Variants in WDR11 observed in about 807,000 individuals in gnomAD.
WDR11 encodes WD repeat domain 11.
A neutral mutation model predicts 151.2 loss-of-function variants in WDR11; 83 were observed. That is an observed-to-expected ratio of 0.55 (90% CI 0.46 to 0.66). WDR11 has a LOEUF of 0.66. Ranked by LOEUF, WDR11 falls within the 30% of genes least tolerant of loss-of-function variation. WDR11 has a pLI of 0.00. For missense variants in WDR11, 1,301 were observed against 1,480.9 expected, an observed-to-expected ratio of 0.88 and a Z score of 1.99; for synonymous variants, 484 against 533.1, an observed-to-expected ratio of 0.91 and a Z score of 1.27.
At position 120,873,826 on chromosome 10, in the gene WDR11, G is replaced by A. The variant is rs1846634331; in HGVS notation, c.1472-13G>A. On this transcript the variant is annotated splice_polypyrimidine_tract_variant and intron_variant, in intron 10 of 28. Transcript: ENST00000263461. ...CACTGAATTAATGCTCTTCCATGAT[G>A]TCATTTTGAAAGGTACAAGTAATGG... 2 of 1,594,796 alleles carry A rather than the reference G, an allele frequency of 1.3e-6. No homozygotes were observed. The highest frequency in any genetic ancestry group is 1.3e-5 in the African/African-American group (1 of 74,634).
intron 9 of WDR11, among the ~76,000 whole-genome samples, chr10:120,868,403 GC>G (rs1846393589): frequency 6.6e-6 from 1 of 152,082 alleles, no homozygotes; most frequent in South Asian, 2.1e-4. Flanking sequence ...GTTGCAGTGA[GC>G]CGAGATTGCA....
At chr10:120,896,484 C>T (rs973423615) in intron 19 of WDR11, among the ~76,000 whole-genome samples, 2 of 152,066 alleles carry the variant, frequency 1.3e-5, no homozygotes, top group African/African-American at 4.8e-5. Flanking sequence ...GAATGCAAGA[C>T]ACAGTTGAAC....
At position 120,860,166 on chromosome 10, in the gene WDR11, C is replaced by G; in HGVS notation, c.410C>G (p.Pro137Arg). 6.2e-7 allele frequency: 1 copy of G among 1,614,128 alleles called. No individual in the cohort carries two copies. The highest frequency in any genetic ancestry group is 8.5e-7 in the Non-Finnish European group (1 of 1,180,026). The part of the protein sequence containing the change: ...ASRDLLLAIH[P>R]PNYIVLWNAD... ...CGCGATTTACTGCTTGCTATCCACC[C>G]GCCAAATTACATTGTGCTCTGGAAT... Residue 137 changes from proline (P) to arginine (R), a missense_variant, in exon 4 of 29, where the codon CCG (proline) becomes CGG (arginine). By Grantham distance (103) the Pro-to-Arg change is moderately radical. Around this residue, in one of 3 missense-constraint regions of WDR11, gnomAD observed 692 missense variants for 762.5 expected, o/e 0.91. Coordinates refer to ENST00000263461, the MANE Select transcript of WDR11 (RefSeq NM_018117.12).
chr10:120,908,505 A>G, intron 28 of WDR11, 51 bp from the exon 29 acceptor site: 1 of 1,581,314 alleles, frequency 6.3e-7, no homozygotes, highest in South Asian at 1.1e-5. Flanking sequence ...GAGCCTGTGA[A>G]GAGTCTCATC....
At chr10:120,882,341 G>C (rs748686522) in intron 13 of WDR11, among the ~76,000 whole-genome samples, 2 of 151,748 alleles carry the variant, frequency 1.3e-5, no homozygotes, top group African/African-American at 2.4e-5. Flanking sequence ...TATTGGTGTC[G>C]TTTTTATGTA....
intron 20 of WDR11, 73 bp from the exon 21 acceptor site, chr10:120,900,963 C>CT (rs757549847): frequency 5.3e-6 from 6 of 1,142,768 alleles, no homozygotes; most frequent in Middle Eastern, 1.9e-4. Context: ...ATTAACACAA[C>CT]TTTTTTCAGG....
chr10:120,906,172 G>A, intron 27 of WDR11, 151 bp downstream of exon 27: 1 of 1,533,280 alleles, frequency 6.5e-7, no homozygotes. Flanking sequence ...AAGGAGAATG[G>A]AACTGTCCGT....
intron 11 of WDR11, among the ~76,000 whole-genome samples, chr10:120,876,442 G>A (rs933368949): frequency 6.6e-6 from 1 of 152,146 alleles, no homozygotes; most frequent in Non-Finnish European, 1.5e-5. Flanking sequence ...ATACATTTAC[G>A]TGGAATAATA....
chr10:120,861,566 C>T (rs1466051653), intron 4 of WDR11, among the ~76,000 whole-genome samples: 1 of 152,190 alleles, frequency 6.6e-6, no homozygotes, highest in African/African-American at 2.4e-5. Context: ...TTGATTGCAT[C>T]AGCTCTTTAC....
chr10:120,861,703 G>C (rs1023433569), intron 4 of WDR11, among the ~76,000 whole-genome samples: 41 of 152,144 alleles, frequency 2.7e-4, no homozygotes, highest in African/African-American at 9.4e-4. Flanking sequence ...TTTTCCCTGT[G>C]TTTAGAGCAG....
At position 120,865,615 on chromosome 10, in the gene WDR11, A is replaced by T; in HGVS notation, c.880-15A>T. ...CTATTGTGTTTTAAAAAATAAATATATCATCTATTTAAAGGTAATACCCTG... is the reference window on the plus strand; with the variant it reads ...CTATTGTGTTTTAAAAAATAAATATTTCATCTATTTAAAGGTAATACCCTG... On this transcript the variant is annotated splice_polypyrimidine_tract_variant and intron_variant, in intron 6 of 28. Transcript: ENST00000263461. The T allele has an allele frequency of 6.7e-7, 1 of 1,503,736 alleles. No individual in the cohort carries two copies. The highest frequency in any genetic ancestry group is 1.2e-5 in the South Asian group (1 of 86,872). The allele number at this position is 1,503,736 out of a possible 1,614,324, so 93.1% of individuals were successfully genotyped here. A position where few individuals can be genotyped will look rare whatever the true frequency, so the allele number is the denominator to read the frequency against.
rs1289632531 is a variant in WDR11, at chr10:120,906,259, A to T, written c.3437+238A>T. The stretch of plus-strand genomic sequence containing the variant: ...TGCTGATCAGACTTAACAGGCACCT[A>T]GTAAAAGGGAATTTAAAAGTCTTCA... On this transcript the variant is annotated intron_variant, in intron 27 of 28. Transcript: ENST00000263461. 2.2e-6 allele frequency: 3 copies of T among 1,384,800 alleles called. No individual in the cohort carries two copies. In the African/African-American group the frequency reaches 4.4e-5, roughly 20 times the overall value. 85.8% of individuals were successfully genotyped at this position (1,384,800 alleles called of 1,614,324 possible).
In WDR11 at chr10:120,903,794, A is replaced by G. The variant is rs113486326; in HGVS notation, c.2932-253A>G. On this transcript the variant is annotated intron_variant, in intron 23 of 28. Transcript: ENST00000263461. ...CCTCCTGCAGAATCCTTCAGTGCACATAGGTTTTTCATCCGGCTCTACTTA... is the reference window on the plus strand; with the variant it reads ...CCTCCTGCAGAATCCTTCAGTGCACGTAGGTTTTTCATCCGGCTCTACTTA... 3.0e-3 allele frequency among the ~76,000 whole-genome samples: 461 copies of G among 152,332 alleles called. 2 individuals carry two copies. Among genetic ancestry groups the G allele is most frequent in the African/African-American group, 0.011 (441 of 41,572 alleles).
At chr10:120,889,308 G>A in intron 17 of WDR11, 124 bp downstream of exon 17, 1 of 729,386 alleles carries the variant, frequency 1.4e-6, no homozygotes. Flanking sequence ...TGCAATCTCG[G>A]CTCACTGCAA....
intron 1 of WDR11, chr10:120,851,773 G>A (rs1212280784): frequency 1.8e-6 from 1 of 558,046 alleles, no homozygotes. Context: ...CCCTTTTGCC[G>A]TTCCATTCCT....
intron 12 of WDR11, chr10:120,879,012 T>C (rs538947454): frequency 6.6e-6 from 1 of 152,316 alleles, no homozygotes; most frequent in East Asian, 1.9e-4. Context: ...AATTTCAAAA[T>C]AAAGAATTTG....
At chr10:120,875,976 T>C (rs1846763675) in intron 11 of WDR11, among the ~76,000 whole-genome samples, 1 of 136,466 alleles carries the variant, frequency 7.3e-6, no homozygotes, top group South Asian at 2.3e-4. Flanking sequence ...AACCTTTTTT[T>C]TCTTTTTTTT....
At chr10:120,900,999 A>C (rs1416462354) in intron 20 of WDR11, 37 bp from the exon 21 acceptor site, 5 of 1,387,110 alleles carry the variant, frequency 3.6e-6, no homozygotes, top group African/African-American at 2.8e-5. Context: ...TTTTAAGTGA[A>C]GAGATAATGA....
Position 120,886,774 on chromosome 10 carries a change from C to G in WDR11, c.2059C>G (p.Gln687Glu). The G allele has an allele frequency of 6.2e-7, 1 of 1,614,012 alleles. No homozygotes were observed. The highest frequency in any genetic ancestry group is 8.5e-7 in the Non-Finnish European group (1 of 1,179,962). Residue 687 changes from glutamine to glutamate, a missense_variant, in exon 16 of 29, where the codon CAA becomes GAA. Around this residue, in one of 3 missense-constraint regions of WDR11, gnomAD observed 589 missense variants for 670.6 expected, o/e 0.88. Transcript: ENST00000263461. ...EHFVFTDIDG[Q>E]VYHLTVEGNS... is the part of the protein sequence containing the mutation. ...TTTTGTATTTACCGATATTGATGGC[C>G]AAGTGTATCATCTCACTGTTGAAGG... is the stretch of plus-strand genomic sequence containing the variant.
Sources: gnomAD v4.1 joint callset for allele counts (sites outside exome capture counted in the v4.1 genomes callset) on GRCh38, gnomAD v4.1.1 for gene constraint, gnomAD v4.1.1 regional missense constraint, MANE v1.5 for transcripts, NCBI Gene and HGNC (gene_info 2026-07-23, HGNC 2026-07-21) for gene names.